The following PRUNE1 variants were observed in gnomAD, a reference collection of about 807,000 sequenced individuals.
The protein encoded by PRUNE1 is prune exopolyphosphatase 1.
A neutral mutation model predicts 42.5 loss-of-function variants in PRUNE1; 25 were observed. That is an observed-to-expected ratio of 0.59 (90% confidence interval 0.43 to 0.82). The LOEUF (loss-of-function observed/expected upper bound fraction) is 0.82. Among genes scored for constraint, PRUNE1 ranks in the 40% least tolerant of loss-of-function variants. PRUNE1 has a pLI of 0.00. For missense variants in PRUNE1, 443 were observed against 539.3 expected, an observed-to-expected ratio of 0.82 and a Z score of 1.77; for synonymous variants, 203 against 217.1, an observed-to-expected ratio of 0.93 and a Z score of 0.57.
Position 151,024,605 on chromosome 1 carries a change from C to T in PRUNE1, c.336-6C>T. 2 of 1,601,582 alleles carry T rather than the reference C, an allele frequency of 1.2e-6. No homozygotes were observed. Among genetic ancestry groups the T allele is most frequent in the Non-Finnish European group, 1.7e-6 (2 of 1,168,654 alleles). ...TTCCTCTTTTCCCATACCCTCCCCT[C>T]CACAGAAGTGACACAGCCCTAGAGG... On this transcript the variant is annotated splice_polypyrimidine_tract_variant and splice_region_variant and intron_variant, in intron 3 of 7. Transcript: ENST00000271620.
chr1:151,010,381 G>T (rs1346778368), intron 1 of PRUNE1, among the ~76,000 whole-genome samples: 1 of 152,146 alleles, frequency 6.6e-6, no homozygotes, highest in African/African-American at 2.4e-5. Flanking sequence ...ACTGTACCCA[G>T]CCCGAATAGT....
At chr1:151,021,082 G>A (rs1413283985) in intron 3 of PRUNE1, among the ~76,000 whole-genome samples, 2 of 151,146 alleles carry the variant, frequency 1.3e-5, no homozygotes, top group Non-Finnish European at 3.0e-5. Context: ...AGGAGGTGGA[G>A]GTTGCAGTGA....
In PRUNE1 at chr1:151,024,670, C is replaced by A; in HGVS notation, c.395C>A (p.Pro132Gln). ...AEVLDHRPIE[P>Q]KHCPPCHVSV... ...GTGCTAGACCATCGACCCATCGAGC[C>A]GAAACACTGCCCTCCCTGCCATGTT... The change falls in exon 4 of 8, where the codon CCG becomes CAG. Residue 132 changes from proline to glutamine, a missense_variant. Physicochemically the swap from Pro to Gln is moderately conservative, Grantham distance 76. Transcript: ENST00000271620. 1 of 1,613,796 alleles carries A rather than the reference C, an allele frequency of 6.2e-7. No homozygotes were observed. Among genetic ancestry groups the A allele is most frequent in the East Asian group, 2.2e-5 (1 of 44,880 alleles).
chr1:151,014,812 G>A (rs901314643), intron 1 of PRUNE1, among the ~76,000 whole-genome samples: 27 of 152,172 alleles, frequency 1.8e-4, no homozygotes, highest in African/African-American at 6.5e-4. Flanking sequence ...TGTTTGTCAC[G>A]ACTTAGGGTG....
intron 3 of PRUNE1, among the ~76,000 whole-genome samples, chr1:151,023,045 AGT>A (rs1209476229): frequency 1.3e-5 from 2 of 152,148 alleles, no homozygotes; most frequent in East Asian, 3.8e-4. Context: ...TTGAGGGAGA[AGT>A]AGGACATGGA....
intron 7 of PRUNE1, among the ~76,000 whole-genome samples, chr1:151,032,160 G>A (rs1238159131): frequency 6.6e-6 from 1 of 151,778 alleles, no homozygotes; most frequent in African/African-American, 2.4e-5. Context: ...CAAGAGAATT[G>A]CTTGAATCTG....
chr1:151,029,107 G>A (rs6691701), intron 7 of PRUNE1, among the ~76,000 whole-genome samples, 163 bp downstream of exon 7: 96,897 of 149,608 alleles, frequency 0.65, 34,862 homozygotes, highest in East Asian at 0.88. Context: ...TCCCCTTTCT[G>A]CTTTTTCCCA....
chr1:151,020,650 C>T (rs1255482121), intron 3 of PRUNE1, among the ~76,000 whole-genome samples: 1 of 151,958 alleles, frequency 6.6e-6, no homozygotes, highest in Admixed American at 6.6e-5. Context: ...TCTACATAAA[C>T]TCTTACGATT....
intron 7 of PRUNE1, among the ~76,000 whole-genome samples, chr1:151,029,436 C>T (rs1675096589): frequency 6.9e-6 from 1 of 143,888 alleles, no homozygotes; most frequent in African/African-American, 2.6e-5. Flanking sequence ...GGCACAATCT[C>T]GGCTCACTGC....
At chr1:151,033,389 T>G (rs1196226553) in intron 7 of PRUNE1, among the ~76,000 whole-genome samples, 1 of 136,960 alleles carries the variant, frequency 7.3e-6, no homozygotes, top group Admixed American at 7.2e-5. Context: ...CCGGCTGACT[T>G]ACTTTTTTTT....
At chr1:151,008,726 C>G in intron 1 of PRUNE1, 55 bp downstream of exon 1, 2 of 1,599,568 alleles carry the variant, frequency 1.3e-6, no homozygotes, top group Non-Finnish European at 1.7e-6. Flanking sequence ...CCAGGAAGGA[C>G]GAAGACGTGG....
chr1:151,014,136 C>T (rs867914240), intron 1 of PRUNE1, among the ~76,000 whole-genome samples: 28 of 152,134 alleles, frequency 1.8e-4, no homozygotes, highest in African/African-American at 5.8e-4. Context: ...CCCGCCACCA[C>T]GCCTGGCTAA....
chr1:151,024,440 A>G (rs1245008458), intron 3 of PRUNE1, among the ~76,000 whole-genome samples, 171 bp from the exon 4 acceptor site: 1 of 152,072 alleles, frequency 6.6e-6, no homozygotes, highest in Non-Finnish European at 1.5e-5. Flanking sequence ...GGTTGCAGTG[A>G]GCCAAGAACG....
rs752973875 is a variant in PRUNE1 at position 151,027,220 on chromosome 1, A to G, written c.680-13A>G. The G allele has an allele frequency of 6.3e-6, 10 of 1,586,566 alleles. No individual in the cohort carries two copies. The East Asian group carries it at 1.3e-4, about 21-fold the overall frequency. ...TACCCTGTTTGACCCCTAGTCTCTC[A>G]TCTGCTTTCTAGGACTGACCACTGA... On this transcript the variant is annotated splice_polypyrimidine_tract_variant and intron_variant, in intron 5 of 7. Coordinates refer to ENST00000271620, the MANE Select transcript of PRUNE1 (RefSeq NM_021222.3).
At chr1:151,032,329 T>G (rs960950243) in intron 7 of PRUNE1, among the ~76,000 whole-genome samples, 1 of 151,780 alleles carries the variant, frequency 6.6e-6, no homozygotes, top group African/African-American at 2.4e-5. Context: ...GCAGGAGGAT[T>G]GCTTGAGACC....
intron 3 of PRUNE1, 46 bp downstream of exon 3, chr1:151,018,715 G>A (rs1674247451): frequency 6.5e-7 from 1 of 1,540,836 alleles, no homozygotes. Flanking sequence ...TACCATGCTG[G>A]GCTCTGATGA....
At chr1:151,013,722 C>T (rs1358968960) in intron 1 of PRUNE1, among the ~76,000 whole-genome samples, 1 of 152,172 alleles carries the variant, frequency 6.6e-6, no homozygotes, top group Non-Finnish European at 1.5e-5. Context: ...AGAGAACACT[C>T]GCTCCCCCTA....
At chr1:151,011,564 T>A (rs1383296241) in intron 1 of PRUNE1, among the ~76,000 whole-genome samples, 1 of 152,110 alleles carries the variant, frequency 6.6e-6, no homozygotes, top group Non-Finnish European at 1.5e-5. Context: ...AGAGGGTTTG[T>A]CTCTCTCTGG....
chr1:151,023,425 A>T (rs184201804), intron 3 of PRUNE1, among the ~76,000 whole-genome samples: 73 of 152,008 alleles, frequency 4.8e-4, no homozygotes, highest in African/African-American at 1.5e-3. Flanking sequence ...GGGTTATAAA[A>T]ATAGGAGAGA....
Sources: gnomAD v4.1 joint callset for allele counts (sites outside exome capture counted in the v4.1 genomes callset) on GRCh38, gnomAD v4.1.1 for gene constraint, MANE v1.5 for transcripts, NCBI Gene and HGNC (gene_info 2026-07-23, HGNC 2026-07-21) for gene names.